Variants in POU6F2 observed in about 807,000 individuals in gnomAD.
POU6F2 encodes POU domain, class 6, transcription factor 2.
In POU6F2, 31 loss-of-function variants were observed where a neutral mutation model predicts 71.3. The ratio of observed to expected loss-of-function variants is 0.43; its 90% confidence interval spans 0.33 to 0.59. The LOEUF (loss-of-function observed/expected upper bound fraction) is 0.59, where lower values mean the gene tolerates loss of function less well. Among genes scored for constraint, POU6F2 ranks in the 20% least tolerant of loss-of-function variants. The pLI is 0.04. For synonymous variants in POU6F2, 347 were observed against 355.7 expected, an observed-to-expected ratio of 0.98 and a Z score of 0.27; for missense variants, 783 against 856.8, an observed-to-expected ratio of 0.91 and a Z score of 1.07.
At chr7:39,099,904 C>T (rs771128279) in intron 2 of POU6F2, among the ~76,000 whole-genome samples, 3 of 152,160 alleles carry the variant, frequency 2.0e-5, no homozygotes, top group South Asian at 2.1e-4. Flanking sequence ...GGGCTCTGAA[C>T]GTTAAGATCT....
chr7:39,032,981 C>G (rs1789978850), intron 1 of POU6F2, among the ~76,000 whole-genome samples: 1 of 152,166 alleles, frequency 6.6e-6, no homozygotes, highest in African/African-American at 2.4e-5. Context: ...GTGTTAGTGG[C>G]CAGGGCTGGT....
At chr7:39,035,920 C>T (rs1037168705) in intron 1 of POU6F2, among the ~76,000 whole-genome samples, 25 of 34,134 alleles carry the variant, frequency 7.3e-4, no homozygotes, top group Non-Finnish European at 1.4e-3. Flanking sequence ...TTCAAATAAA[C>T]ATTTTTTTTT....
intron 7 of POU6F2, among the ~76,000 whole-genome samples, chr7:39,435,946 T>C (rs1788230668): frequency 1.3e-5 from 2 of 152,190 alleles, no homozygotes; most frequent in African/African-American, 4.8e-5. Context: ...TGTGTGGTGT[T>C]ATTTCTGAGG....
At chr7:39,153,745 A>G (rs1234065629) in intron 2 of POU6F2, among the ~76,000 whole-genome samples, 1 of 152,140 alleles carries the variant, frequency 6.6e-6, no homozygotes. Flanking sequence ...GTTTTTCTAA[A>G]GAGTAGGAAT....
At chr7:39,385,943 TC>T (rs1370013812) in intron 5 of POU6F2, among the ~76,000 whole-genome samples, 1 of 151,680 alleles carries the variant, frequency 6.6e-6, no homozygotes, top group East Asian at 1.9e-4. Context: ...TGAAACCTCA[TC>T]TCTACTAAAA....
intron 1 of POU6F2, among the ~76,000 whole-genome samples, chr7:39,030,543 T>TATCTATATATGTATAC (rs1491146903): frequency 1.1e-5 from 1 of 88,018 alleles, no homozygotes; most frequent in Admixed American, 1.3e-4. Context: ...TATATATATA[T>TATCTATATATGTATAC]ACACACACAT....
chr7:39,010,991 GTA>G lies in POU6F2; in HGVS notation c.105+32937_105+32938del, dbSNP rs1407921228. ...GGTGTGGTGTGGTGCTGAAAAAAATGTATATTCTGTTGATTTGGGGTGGAGAG... is the reference window on the plus strand; with the variant it reads ...GGTGTGGTGTGGTGCTGAAAAAAATGTATTCTGTTGATTTGGGGTGGAGAG... On this transcript the variant is annotated intron_variant, in intron 1 of 9. Transcript: ENST00000518318. 2.7e-3 allele frequency among the ~76,000 whole-genome samples: 400 copies of G among 145,600 alleles called. 3 individuals are homozygous for G. Among genetic ancestry groups the G allele is most frequent in the Non-Finnish European group, 4.0e-3 (265 of 65,820 alleles).
chr7:39,106,568 C>T lies in POU6F2; in HGVS notation c.277+20537C>T, dbSNP rs535790164. Among the ~76,000 whole-genome samples the T allele has an allele frequency of 1.4e-4, 22 of 152,258 alleles. No homozygotes were observed. The East Asian group carries it at 3.1e-3, about 21-fold the overall frequency. Reference sequence around the variant, plus strand: ...CTTAAATGATGTGAAGTATTTTGCTCATATGGGCATGCTATCATTTATTAA... The same window carrying T: ...CTTAAATGATGTGAAGTATTTTGCTTATATGGGCATGCTATCATTTATTAA... On this transcript the variant is annotated intron_variant, in intron 2 of 9. Transcript: ENST00000518318.
intron 4 of POU6F2, among the ~76,000 whole-genome samples, chr7:39,318,187 A>T (rs1785310706): frequency 6.6e-6 from 1 of 152,166 alleles, no homozygotes; most frequent in Non-Finnish European, 1.5e-5. Context: ...GAGGGTAAGA[A>T]ATATGCCTGA....
chr7:39,289,012 G>A (rs1784698919), intron 4 of POU6F2, among the ~76,000 whole-genome samples: 1 of 152,174 alleles, frequency 6.6e-6, no homozygotes, highest in Non-Finnish European at 1.5e-5. Context: ...CATTGCTTCT[G>A]ATCTTCCCCT....
chr7:39,111,627 A>G (rs1415486644), intron 2 of POU6F2, among the ~76,000 whole-genome samples: 1 of 152,212 alleles, frequency 6.6e-6, no homozygotes, highest in Admixed American at 6.5e-5. Context: ...TAAAAAATAG[A>G]TATAGAGATA....
chr7:39,030,185 A>G (rs1023290655), intron 1 of POU6F2, among the ~76,000 whole-genome samples: 1 of 151,992 alleles, frequency 6.6e-6, no homozygotes, highest in African/African-American at 2.4e-5. Flanking sequence ...ATCATGAATT[A>G]AATGTATATA....
chr7:39,388,577 A>G (rs1288302136), intron 5 of POU6F2, among the ~76,000 whole-genome samples: 1 of 152,186 alleles, frequency 6.6e-6, no homozygotes, highest in Non-Finnish European at 1.5e-5. Context: ...CGGCCTCCCA[A>G]AGTGCTGGGA....
chr7:39,097,519 AAGG>A (rs756111417), intron 2 of POU6F2, among the ~76,000 whole-genome samples: 2 of 152,226 alleles, frequency 1.3e-5, no homozygotes, highest in Non-Finnish European at 2.9e-5. Context: ...TTTCAAAACA[AAGG>A]AGAGGTACAT....
chr7:39,256,137 CTT>C (rs36038117), intron 4 of POU6F2, among the ~76,000 whole-genome samples: 10,878 of 147,602 alleles, frequency 0.074, 688 homozygotes, highest in East Asian at 0.34. Context: ...TGATACACTG[CTT>C]TTTTTTTTTT....
chr7:39,260,226 A>T (rs1235080717), intron 4 of POU6F2, among the ~76,000 whole-genome samples: 1 of 149,292 alleles, frequency 6.7e-6, no homozygotes, highest in South Asian at 2.1e-4. Context: ...CACTATACAC[A>T]TGCAATACAC....
intron 1 of POU6F2, among the ~76,000 whole-genome samples, chr7:39,031,326 G>A (rs1415251625): frequency 7.2e-5 from 11 of 152,118 alleles, no homozygotes; most frequent in Non-Finnish European, 1.5e-4. Flanking sequence ...TGATCTGTAA[G>A]CCATTTTGTT....
In POU6F2 at chr7:39,252,491, G is replaced by T. The variant is rs184095125; in HGVS notation, c.598+44871G>T. On this transcript the variant is annotated intron_variant, in intron 4 of 9. Transcript: ENST00000518318. ...CTGAATAAAATCTAACTAACCAACA[G>T]CTTGAAATAGAGACATCTTTGCCAC... Among the ~76,000 whole-genome samples, 6 of 151,642 alleles carry T rather than the reference G, an allele frequency of 4.0e-5. No homozygotes were observed. The South Asian group carries it at 1.3e-3, about 32-fold the overall frequency.
intron 2 of POU6F2, among the ~76,000 whole-genome samples, chr7:39,186,515 A>T (rs1793543185): frequency 6.6e-6 from 1 of 152,058 alleles, no homozygotes; most frequent in Non-Finnish European, 1.5e-5. Flanking sequence ...TATTTTGGGG[A>T]TGCACATTCA....
Sources: allele counts gnomAD v4.1 joint callset (sites outside exome capture counted in the v4.1 genomes callset), GRCh38; gene constraint gnomAD v4.1.1; transcripts MANE v1.5; gene names NCBI Gene and HGNC (gene_info 2026-07-23, HGNC 2026-07-21).